TMTC1: variants seen among roughly 807,000 people sequenced by gnomAD.
TMTC1 encodes the protein transmembrane O-mannosyltransferase targeting cadherins 1, also known as protein O-mannosyl-transferase TMTC1.
TMTC1 carries 73 observed loss-of-function variants against 104.8 expected under a neutral mutation model. That is an observed-to-expected ratio of 0.70 (90% CI 0.58 to 0.85). The LOEUF (loss-of-function observed/expected upper bound fraction) is 0.85. TMTC1 is among the 40% of genes least tolerant of loss of function. TMTC1 has a pLI of 0.00. For missense variants in TMTC1, 1,035 were observed against 1,096.1 expected, an observed-to-expected ratio of 0.94 and a Z score of 0.79; for synonymous variants, 434 against 428.7, an observed-to-expected ratio of 1.01 and a Z score of -0.15.
Position 29,633,354 on chromosome 12 carries a change from A to T in TMTC1, c.939-18T>A. ...TGAGGAATCTATAAAGAGAAGAAGA[A>T]TCACTGAAACACTGCTCAAGAACCA... On this transcript the variant is annotated intron_variant, in intron 5 of 17. Transcript: ENST00000539277. 1 of 1,584,754 alleles carries T rather than the reference A, an allele frequency of 6.3e-7. No individual in the cohort carries two copies. The highest frequency in any genetic ancestry group is 8.6e-7 in the Non-Finnish European group (1 of 1,159,996).
chr12:29,591,908 G>GAAAACAAAACAAAACAAAACAAAAC (rs61162219), intron 7 of TMTC1, among the ~76,000 whole-genome samples: 128 of 150,436 alleles, frequency 8.5e-4, no homozygotes, highest in African/African-American at 3.0e-3. Flanking sequence ...GCTTTTAAGT[G>GAAAACAAAACAAAACAAAACAAAAC]AAAACAAAAC....
intron 6 of TMTC1, among the ~76,000 whole-genome samples, chr12:29,605,235 G>A (rs963851354): frequency 1.1e-4 from 17 of 151,738 alleles, no homozygotes; most frequent in African/African-American, 3.9e-4. Flanking sequence ...TTTAATAATT[G>A]GAAAAGAATA....
chr12:29,581,036 C>T (rs574054633), intron 8 of TMTC1, among the ~76,000 whole-genome samples: 17 of 152,194 alleles, frequency 1.1e-4, no homozygotes, highest in South Asian at 6.2e-4. Context: ...GAGATAAACA[C>T]GAGTATTTTA....
At chr12:29,784,498 G>GCGGGGATAGGGAGCACCTT (rs1943912021), upstream of TMTC1, 1 of 152,312 alleles carries the variant, frequency 6.6e-6, no homozygotes, top group Non-Finnish European at 1.5e-5. Flanking sequence ...GGAGGAACCC[G>GCGGGGATAGGGAGCACCTT]CGGGGATAGG....
At chr12:29,599,627 G>A (rs935006665) in intron 7 of TMTC1, among the ~76,000 whole-genome samples, 8 of 152,130 alleles carry the variant, frequency 5.3e-5, no homozygotes, top group Non-Finnish European at 1.2e-4. Flanking sequence ...CCCTGGGATC[G>A]AAGGGATTCA....
intron 10 of TMTC1, among the ~76,000 whole-genome samples, chr12:29,553,414 A>C (rs1314571806): frequency 6.6e-6 from 1 of 152,226 alleles, no homozygotes; most frequent in African/African-American, 2.4e-5. Flanking sequence ...AATCTACTGA[A>C]TTCTATGACT....
chr12:29,573,283 A>G (rs1251802550), intron 8 of TMTC1, among the ~76,000 whole-genome samples: 1 of 152,198 alleles, frequency 6.6e-6, no homozygotes, highest in Non-Finnish European at 1.5e-5. Flanking sequence ...AAAGTGGTGG[A>G]AAAAAGGCAA....
intron 10 of TMTC1, among the ~76,000 whole-genome samples, chr12:29,545,676 CGG>C (rs1944925196): frequency 1.1e-4 from 15 of 137,880 alleles, no homozygotes; most frequent in South Asian, 2.4e-4. Flanking sequence ...CACACACACA[CGG>C]ATAGAAACTA....
chr12:29,751,855 C>A lies in TMTC1; in HGVS notation c.749G>T (p.Cys250Phe). The A allele has an allele frequency of 6.3e-7, 1 of 1,576,602 alleles. No homozygotes were observed. Among genetic ancestry groups the A allele is most frequent in the South Asian group, 1.1e-5 (1 of 86,964 alleles). The change falls in exon 5 of 18, where the codon TGT (cysteine) becomes TTT (phenylalanine). Residue 250 changes from cysteine (C) to phenylalanine (F), a missense_variant. Transcript: ENST00000539277. Reference protein sequence around the residue: ...KQDKSSNGALCPRSPQQPGSP... With the variant: ...KQDKSSNGALFPRSPQQPGSP... ...CCCGGGCTGCTGTGGGCTGCGTGGA[C>A]AGAGGGCCCCATTGCTCCTGTTGTG... is the stretch of plus-strand genomic sequence containing the variant.
chr12:29,526,861 C>T (rs535616069), intron 11 of TMTC1, among the ~76,000 whole-genome samples: 7 of 151,968 alleles, frequency 4.6e-5, no homozygotes, highest in Admixed American at 6.6e-5. Flanking sequence ...GATAACATAC[C>T]AAGACATATC....
intron 5 of TMTC1, among the ~76,000 whole-genome samples, chr12:29,678,072 T>G (rs2136704424): frequency 6.6e-6 from 1 of 152,334 alleles, no homozygotes; most frequent in African/African-American, 2.4e-5. Flanking sequence ...TTTTAGAAAT[T>G]TAATAAACTA....
At chr12:29,667,416 G>A (rs1478523792) in intron 5 of TMTC1, among the ~76,000 whole-genome samples, 1 of 152,088 alleles carries the variant, frequency 6.6e-6, no homozygotes, top group Admixed American at 6.5e-5. Context: ...TTTAAACTCT[G>A]AATTCAAGTT....
At chr12:29,720,752 C>A (rs1249369488) in intron 5 of TMTC1, among the ~76,000 whole-genome samples, 2 of 151,930 alleles carry the variant, frequency 1.3e-5, no homozygotes, top group Non-Finnish European at 2.9e-5. Context: ...TTAAAACAGA[C>A]AATGGCCACA....
chr12:29,600,008 A>ATATATATATATATATATT (rs59108744), intron 7 of TMTC1, among the ~76,000 whole-genome samples: 11 of 118,680 alleles, frequency 9.3e-5, no homozygotes, highest in African/African-American at 4.2e-4. Flanking sequence ...ATATATATAT[A>ATATATATATATATATATT]TTTTTTTTTT....
intron 5 of TMTC1, among the ~76,000 whole-genome samples, chr12:29,718,523 G>C (rs1035446547): frequency 3.3e-5 from 5 of 152,116 alleles, no homozygotes; most frequent in African/African-American, 1.2e-4. Flanking sequence ...CCCTGGTAAG[G>C]CTGTAAGATC....
chr12:29,537,343 T>C (rs1944673688), intron 10 of TMTC1, among the ~76,000 whole-genome samples: 1 of 152,240 alleles, frequency 6.6e-6, no homozygotes, highest in East Asian at 1.9e-4. Flanking sequence ...ACATTATTAA[T>C]GTATTTCTCA....
chr12:29,650,141 T>C (rs950462422), intron 5 of TMTC1, among the ~76,000 whole-genome samples: 1 of 151,868 alleles, frequency 6.6e-6, no homozygotes, highest in Middle Eastern at 3.4e-3. Context: ...TGAAGTGCAG[T>C]GGCACGATCT....
intron 5 of TMTC1, among the ~76,000 whole-genome samples, chr12:29,695,793 T>TATATATATATATATATA (rs1555188366): frequency 1.2e-3 from 104 of 83,670 alleles, no homozygotes; most frequent in African/African-American, 2.8e-3. Flanking sequence ...TACTTCCTTT[T>TATATATATATATATATA]TATATATATA....
At chr12:29,595,406 G>A (rs1410565995) in intron 7 of TMTC1, among the ~76,000 whole-genome samples, 2 of 152,190 alleles carry the variant, frequency 1.3e-5, no homozygotes, top group African/African-American at 2.4e-5. Context: ...GTATTGGTCA[G>A]TGATCTACAA....
Sources: gnomAD v4.1 joint callset for allele counts (sites outside exome capture counted in the v4.1 genomes callset) on GRCh38, gnomAD v4.1.1 for gene constraint, MANE v1.5 for transcripts, NCBI Gene and HGNC (gene_info 2026-07-23, HGNC 2026-07-21) for gene names.